The following BOLL variants were observed in gnomAD, a reference collection of about 807,000 sequenced individuals.
The protein encoded by BOLL is boule RNA binding protein, also known as protein boule-like.
In BOLL, 23 loss-of-function variants were observed where a neutral mutation model predicts 44.4. That is an observed-to-expected ratio of 0.52 (90% confidence interval 0.37 to 0.73). The LOEUF is 0.73. BOLL is among the 30% of genes least tolerant of loss of function. BOLL has a pLI of 0.00. For synonymous variants in BOLL, 97 were observed against 110.8 expected, an observed-to-expected ratio of 0.88 and a Z score of 0.78; for missense variants, 287 against 338.3, an observed-to-expected ratio of 0.85 and a Z score of 1.19.
rs73054827 is a variant in BOLL at position 197,785,181 on chromosome 2, G to A, written c.-141C>T. The A allele has an allele frequency of 0.19, 188,591 of 985,720 alleles. 18,078 individuals carry two copies. The highest frequency in any genetic ancestry group is 0.28 in the East Asian group (2,458 of 8,876). The allele number at this position is 985,720 out of a possible 1,614,324, so 61.1% of individuals were successfully genotyped here. Reference sequence around the variant, plus strand: ...TCATCGTGAACTTGGGCACCGAAACGAGGATCCACCCCCTCCCCACCAAAG... The same window carrying A: ...TCATCGTGAACTTGGGCACCGAAACAAGGATCCACCCCCTCCCCACCAAAG... On this transcript the variant is annotated 5_prime_UTR_variant, in exon 1 of 11. Coordinates refer to ENST00000392296, the MANE Select transcript of BOLL (RefSeq NM_033030.6). This position sits in a 1 kb window ranked among gnomAD's most constrained non-coding sequence, Gnocchi z 6.7.
intron 7 of BOLL, 139 bp from the exon 8 acceptor site, chr2:197,757,539 T>C (rs796524004): frequency 1.7e-5 from 11 of 635,336 alleles, no homozygotes; most frequent in African/African-American, 1.5e-4. Context: ...AAAAATTAAC[T>C]CAAAATGGAC....
chr2:197,732,693 G>C (rs1687254653), intron 10 of BOLL, among the ~76,000 whole-genome samples: 1 of 150,068 alleles, frequency 6.7e-6, no homozygotes, highest in Non-Finnish European at 1.5e-5. Context: ...CATATAAACA[G>C]AGCCAAAGAC....
intron 9 of BOLL, among the ~76,000 whole-genome samples, chr2:197,747,877 G>C (rs1688058720): frequency 6.6e-6 from 1 of 152,132 alleles, no homozygotes; most frequent in Non-Finnish European, 1.5e-5. Context: ...ACAACCATCT[G>C]ATTTTCAACA....
chr2:197,763,022 C>G (rs1393044224), intron 7 of BOLL, among the ~76,000 whole-genome samples: 1 of 152,058 alleles, frequency 6.6e-6, no homozygotes, highest in East Asian at 1.9e-4. Flanking sequence ...TAAATAAAAT[C>G]AGCAATGAAA....
At chr2:197,773,085 T>G (rs944350319) in intron 5 of BOLL, among the ~76,000 whole-genome samples, 1 of 151,818 alleles carries the variant, frequency 6.6e-6, no homozygotes, top group African/African-American at 2.4e-5. Context: ...AGTATTGTTA[T>G]TATTTATTTT....
At chr2:197,758,646 A>G (rs934644209) in intron 7 of BOLL, among the ~76,000 whole-genome samples, 5 of 152,316 alleles carry the variant, frequency 3.3e-5, no homozygotes, top group African/African-American at 1.2e-4. Context: ...TCTGCAAGCC[A>G]TAGTTTGATG....
In BOLL at chr2:197,773,685, A is replaced by G. The variant is rs142120347; in HGVS notation, c.353-1703T>C. Among the ~76,000 whole-genome samples, 760 of 152,082 alleles carry G rather than the reference A, an allele frequency of 5.0e-3. 2 individuals carry two copies. The highest frequency in any genetic ancestry group is 0.017 in the African/African-American group (720 of 41,528). On this transcript the variant is annotated intron_variant, in intron 5 of 10. Coordinates refer to ENST00000392296, the MANE Select transcript of BOLL (RefSeq NM_033030.6). ...TATATTAGATTCTGAGAACAGGAGT[A>G]TAGAATGTTCTGGAACTGAAAGAAG...
intron 9 of BOLL, among the ~76,000 whole-genome samples, chr2:197,743,969 C>A (rs1229932045): frequency 6.6e-6 from 1 of 152,012 alleles, no homozygotes; most frequent in Non-Finnish European, 1.5e-5. Context: ...GCCACTACAC[C>A]CGGCTAATTT....
At chr2:197,778,309 AAATAC>A (rs1252228096) in intron 3 of BOLL, among the ~76,000 whole-genome samples, 2 of 152,074 alleles carry the variant, frequency 1.3e-5, no homozygotes, top group Admixed American at 1.3e-4. Flanking sequence ...TCAAGAAAGT[AAATAC>A]AATACTTTAC....
chr2:197,742,770 A>G (rs1339289299), intron 10 of BOLL, among the ~76,000 whole-genome samples: 3 of 152,166 alleles, frequency 2.0e-5, no homozygotes, highest in Non-Finnish European at 4.4e-5. Flanking sequence ...CATATGTAAC[A>G]AACCTGCACA....
chr2:197,739,988 A>G (rs1392749564), intron 10 of BOLL, among the ~76,000 whole-genome samples: 1 of 152,230 alleles, frequency 6.6e-6, no homozygotes, highest in Non-Finnish European at 1.5e-5. Flanking sequence ...AATGTTAACG[A>G]CAGAAGAAGT....
chr2:197,784,980 C>T, intron 1 of BOLL, 76 bp downstream of exon 1: 3 of 985,958 alleles, frequency 3.0e-6, no homozygotes, highest in Non-Finnish European at 3.6e-6. Context: ...CCCTCACTGG[C>T]CCCTCCCCTT....
At chr2:197,776,809 C>T (rs928803491) in intron 4 of BOLL, among the ~76,000 whole-genome samples, 3 of 151,914 alleles carry the variant, frequency 2.0e-5, no homozygotes, top group South Asian at 2.1e-4. Flanking sequence ...ATTAACACTT[C>T]GCAAAAGATA....
chr2:197,785,985 G>T, upstream of BOLL: 1 of 1,609,932 alleles, frequency 6.2e-7, no homozygotes. The surrounding 1 kb of genome is among the most constrained non-coding windows in gnomAD (Gnocchi z 6.7). Flanking sequence ...GTACTCACCG[G>T]CCCGGACTCG....
rs1687038382 is a variant in BOLL at position 197,729,486 on chromosome 2, C to T, written c.829-908G>A. Among the ~76,000 whole-genome samples, 3 of 152,298 alleles carry T rather than the reference C, an allele frequency of 2.0e-5. No individual in the cohort carries two copies. The South Asian group carries it at 6.2e-4, about 32-fold the overall frequency. ...GCACAGCTCAAGGAGGCCTGCCTGC[C>T]TCTGTAGGCTCCACCTCTGGGGGCA... On this transcript the variant is annotated intron_variant, in intron 10 of 10. Transcript: ENST00000392296.
chr2:197,757,708 A>G (rs987235508), intron 7 of BOLL, among the ~76,000 whole-genome samples: 1 of 152,200 alleles, frequency 6.6e-6, no homozygotes, highest in African/African-American at 2.4e-5. Context: ...GATTTCATCA[A>G]AACTTTAAAA....
rs1369196579 is a variant in BOLL, at chr2:197,728,454, C to T, written c.*101G>A. ...AGGTATTAACTAACACTAAGTTTCA[C>T]AACGGGCAGCTTCTAGCTGGTTCGT... On this transcript the variant is annotated 3_prime_UTR_variant, in exon 11 of 11. Coordinates refer to ENST00000392296, the MANE Select transcript of BOLL (RefSeq NM_033030.6). 4 of 1,576,620 alleles carry T rather than the reference C, an allele frequency of 2.5e-6. No homozygotes were observed. In the African/African-American group the frequency reaches 4.1e-5, roughly 16 times the overall value.
chr2:197,731,655 G>C (rs1323652360), intron 10 of BOLL, among the ~76,000 whole-genome samples: 1 of 150,228 alleles, frequency 6.7e-6, no homozygotes, highest in South Asian at 2.1e-4. Flanking sequence ...TCAGGATTAA[G>C]AATCTCACTC....
chr2:197,732,044 A>G (rs1195855934), intron 10 of BOLL, among the ~76,000 whole-genome samples: 1 of 151,128 alleles, frequency 6.6e-6, no homozygotes, highest in Non-Finnish European at 1.5e-5. Context: ...AAGGATCAAC[A>G]AAATTGATAG....
Sources: allele counts gnomAD v4.1 joint callset (sites outside exome capture counted in the v4.1 genomes callset), GRCh38; gene constraint gnomAD v4.1.1; non-coding constraint Gnocchi (gnomAD v3.1); transcripts MANE v1.5; gene names NCBI Gene and HGNC (gene_info 2026-07-23, HGNC 2026-07-21).